Variants in TBC1D22A observed in about 807,000 individuals in gnomAD.
TBC1D22A encodes the protein putative GTPase activator.
TBC1D22A carries 38 observed loss-of-function variants against 60.2 expected under a neutral mutation model. That is an observed-to-expected ratio of 0.63 (90% CI 0.49 to 0.83). The LOEUF is 0.83. Ranked by LOEUF, TBC1D22A falls within the 40% of genes least tolerant of loss-of-function variation. TBC1D22A has a pLI of 0.00. For synonymous variants in TBC1D22A, 302 were observed against 281.7 expected (o/e 1.07, Z -0.72); for missense variants, 628 against 701.0 (o/e 0.90, Z 1.18).
chr22:47,083,563 C>T lies in TBC1D22A; in HGVS notation c.1330-27945C>T, dbSNP rs537509377. Among the ~76,000 whole-genome samples the T allele has an allele frequency of 5.3e-5, 8 of 152,270 alleles. No individual in the cohort carries two copies. The South Asian group carries it at 8.3e-4, about 16-fold the overall frequency. On this transcript the variant is annotated intron_variant, in intron 11 of 12. Transcript: ENST00000337137. ...TAAATAAAGCCGTCAGCTCAGAGGG[C>T]GCCGTCCTCAGTGAGGCTGCGTTGG...
intron 4 of TBC1D22A, among the ~76,000 whole-genome samples, chr22:46,820,850 G>A (rs2085796148): frequency 6.6e-6 from 1 of 152,182 alleles, no homozygotes; most frequent in African/African-American, 2.4e-5. Context: ...CTGTTATTGT[G>A]TGGGAGTCTA....
At chr22:47,158,053 AC>A (rs2147193935) in intron 12 of TBC1D22A, among the ~76,000 whole-genome samples, 1 of 151,354 alleles carries the variant, frequency 6.6e-6, no homozygotes, top group Non-Finnish European at 1.5e-5. Context: ...TTGCACCCCC[AC>A]CCCTGCATCT....
intron 12 of TBC1D22A, among the ~76,000 whole-genome samples, chr22:47,164,397 T>G (rs1304958865): frequency 6.6e-6 from 1 of 152,124 alleles, no homozygotes; most frequent in Non-Finnish European, 1.5e-5. Context: ...GTCACCTGAG[T>G]GTGAAGGACA....
chr22:46,937,073 A>G (rs1053104355), intron 8 of TBC1D22A, among the ~76,000 whole-genome samples: 1 of 152,168 alleles, frequency 6.6e-6, no homozygotes, highest in Non-Finnish European at 1.5e-5. Context: ...CGGCACAGGT[A>G]TGCTCTGCGC....
intron 4 of TBC1D22A, among the ~76,000 whole-genome samples, chr22:46,827,811 G>A (rs1270756423): frequency 5.3e-5 from 8 of 152,190 alleles, no homozygotes; most frequent in Admixed American, 5.2e-4. Context: ...CTTTCTACTG[G>A]GGCGGGCAGT....
chr22:46,945,073 A>G (rs1023315736), intron 8 of TBC1D22A, among the ~76,000 whole-genome samples: 1 of 152,208 alleles, frequency 6.6e-6, no homozygotes, highest in African/African-American at 2.4e-5. Context: ...GCCACTTCCA[A>G]ATCTGTAGTT....
rs150659442 is a variant in TBC1D22A at position 47,137,340 on chromosome 22, G to C, written c.1425+25737G>C. On this transcript the variant is annotated intron_variant, in intron 12 of 12. Transcript: ENST00000337137. ...TGTCTGATTCTCACTGAGGCTGGAG[G>C]GGGTGGTGGGGTCCAGTCAGAGTGG... 1.8e-4 allele frequency among the ~76,000 whole-genome samples: 27 copies of C among 152,282 alleles called. No homozygotes were observed. The East Asian group carries it at 4.6e-3, about 26-fold the overall frequency.
intron 4 of TBC1D22A, among the ~76,000 whole-genome samples, chr22:46,808,390 T>C (rs2085241916): frequency 6.6e-6 from 1 of 151,826 alleles, no homozygotes. Flanking sequence ...AATAAAGAAA[T>C]GCAGTAGGGA....
intron 9 of TBC1D22A, among the ~76,000 whole-genome samples, chr22:46,994,277 G>A (rs1164704512): frequency 1.3e-5 from 2 of 152,188 alleles, no homozygotes; most frequent in Non-Finnish European, 2.9e-5. Context: ...GAGAGCCACC[G>A]AATGGCTGAC....
chr22:47,070,312 G>T (rs1199459477), intron 11 of TBC1D22A, among the ~76,000 whole-genome samples: 316 of 138,256 alleles, frequency 2.3e-3, no homozygotes, highest in African/African-American at 6.9e-3. Context: ...CTGACTTGAT[G>T]GTTCCAGGCT....
chr22:47,087,718 A>G (rs528122694), intron 11 of TBC1D22A, among the ~76,000 whole-genome samples: 4 of 152,364 alleles, frequency 2.6e-5, no homozygotes, highest in Middle Eastern at 3.4e-3. Flanking sequence ...AACAAATTCT[A>G]ACATAAAAGA....
intron 1 of TBC1D22A, among the ~76,000 whole-genome samples, chr22:46,770,339 C>T (rs1006696309): frequency 1.3e-5 from 2 of 152,250 alleles, no homozygotes; most frequent in Non-Finnish European, 2.9e-5. Context: ...GGGGTTCTCC[C>T]TTCGAGCCTC....
chr22:46,896,882 G>C (rs1396436458), intron 7 of TBC1D22A, among the ~76,000 whole-genome samples: 1 of 152,040 alleles, frequency 6.6e-6, no homozygotes, highest in Non-Finnish European at 1.5e-5. Flanking sequence ...GGTCTGTTTG[G>C]TTTATGACTG....
At position 47,078,820 on chromosome 22, in the gene TBC1D22A, A is replaced by G. The variant is rs574963637; in HGVS notation, c.1330-32688A>G. The stretch of plus-strand genomic sequence containing the variant: ...CTTACATTCATCTAAGGTCTATCAC[A>G]TGGTAGGAATGCTCCCACGGAGACT... On this transcript the variant is annotated intron_variant, in intron 11 of 12. Coordinates refer to ENST00000337137, the MANE Select transcript of TBC1D22A (RefSeq NM_014346.5). Among the ~76,000 whole-genome samples the G allele has an allele frequency of 2.6e-5, 4 of 152,262 alleles. No individual in the cohort carries two copies. The South Asian group carries it at 6.2e-4, about 24-fold the overall frequency.
intron 11 of TBC1D22A, among the ~76,000 whole-genome samples, chr22:47,069,982 C>T (rs2063916891): frequency 1.6e-5 from 2 of 126,038 alleles, no homozygotes; most frequent in East Asian, 2.2e-4. Flanking sequence ...TTGGTTGGAG[C>T]GGAGCTGACC....
At chr22:47,165,579 C>T (rs985754457) in intron 12 of TBC1D22A, among the ~76,000 whole-genome samples, 3 of 152,088 alleles carry the variant, frequency 2.0e-5, no homozygotes, top group Non-Finnish European at 2.9e-5. Context: ...CCACTGCCCC[C>T]GACAGTGGTA....
chr22:46,862,149 T>C (rs1013834449), intron 4 of TBC1D22A, among the ~76,000 whole-genome samples: 3 of 152,220 alleles, frequency 2.0e-5, no homozygotes, highest in Admixed American at 6.5e-5. Context: ...CAGGTGTTAA[T>C]GAGTGAGTGT....
intron 1 of TBC1D22A, among the ~76,000 whole-genome samples, chr22:46,788,408 T>C (rs1022979094): frequency 6.6e-6 from 1 of 152,246 alleles, no homozygotes; most frequent in African/African-American, 2.4e-5. Context: ...GCTTTATTGC[T>C]TGCAGTATTG....
intron 8 of TBC1D22A, among the ~76,000 whole-genome samples, chr22:46,971,205 A>T (rs1443884494): frequency 6.6e-6 from 1 of 152,220 alleles, no homozygotes; most frequent in African/African-American, 2.4e-5. Flanking sequence ...ACATTTCCTC[A>T]GATAAAATAA....
Sources: gnomAD v4.1 joint callset for allele counts (sites outside exome capture counted in the v4.1 genomes callset) on GRCh38, gnomAD v4.1.1 for gene constraint, MANE v1.5 for transcripts, NCBI Gene and HGNC (gene_info 2026-07-23, HGNC 2026-07-21) for gene names.